CSMD1: variants seen among roughly 807,000 people sequenced by gnomAD.
CSMD1 encodes CUB and Sushi multiple domains 1.
A neutral mutation model predicts 417.5 loss-of-function variants in CSMD1; 213 were observed. The observed-to-expected ratio is 0.51, with a 90% CI of 0.46 to 0.57. CSMD1 has a LOEUF of 0.57. CSMD1 is among the 20% of genes least tolerant of loss of function. The probability of loss-of-function intolerance (pLI) is 0.00; values close to 1 mark genes in which losing one functional copy is unlikely to be tolerated. For synonymous variants in CSMD1, 2,862 were observed against 1,736.8 expected (o/e 1.65, Z -16.11); for missense variants, 6,923 against 4,529.7 (o/e 1.53, Z -15.17).
At chr8:3,614,142 A>C (rs1343333695) in intron 8 of CSMD1, among the ~76,000 whole-genome samples, 1 of 152,128 alleles carries the variant, frequency 6.6e-6, no homozygotes, top group East Asian at 1.9e-4. Flanking sequence ...GAGAAAATTT[A>C]ATCTTTCAAA....
intron 3 of CSMD1, among the ~76,000 whole-genome samples, chr8:4,339,810 G>T (rs570812412): frequency 1.1e-4 from 17 of 152,164 alleles, no homozygotes; most frequent in South Asian, 6.2e-4. Context: ...AACCACTTGA[G>T]GCCAGGAGTT....
At chr8:3,506,155 G>A (rs1402201049) in intron 10 of CSMD1, among the ~76,000 whole-genome samples, 1 of 152,130 alleles carries the variant, frequency 6.6e-6, no homozygotes, top group African/African-American at 2.4e-5. Context: ...AAGTGCCAGG[G>A]AGGCAGCTGA....
At chr8:3,915,608 T>C (rs1050231144) in intron 5 of CSMD1, among the ~76,000 whole-genome samples, 1 of 151,256 alleles carries the variant, frequency 6.6e-6, no homozygotes, top group African/African-American at 2.4e-5. Flanking sequence ...ACTGAAATAC[T>C]TGAAAAGCTT....
intron 1 of CSMD1, among the ~76,000 whole-genome samples, chr8:4,858,622 C>A (rs7815296): frequency 0.015 from 2,220 of 152,130 alleles, 60 homozygotes; most frequent in African/African-American, 0.051. Context: ...ACACCAACAA[C>A]AGACAAACAG....
intron 1 of CSMD1, among the ~76,000 whole-genome samples, chr8:4,816,004 T>C (rs1276176328): frequency 6.6e-6 from 1 of 152,026 alleles, no homozygotes; most frequent in Non-Finnish European, 1.5e-5. Context: ...AGTACAAAAA[T>C]GTCACGCTAT....
intron 3 of CSMD1, among the ~76,000 whole-genome samples, chr8:4,208,550 T>A (rs984943465): frequency 9.9e-5 from 15 of 152,254 alleles, no homozygotes; most frequent in African/African-American, 3.6e-4. Flanking sequence ...AACTTCAATA[T>A]CAGATTGACT....
chr8:4,672,652 G>C (rs976287470), intron 1 of CSMD1, among the ~76,000 whole-genome samples: 4 of 151,550 alleles, frequency 2.6e-5, no homozygotes, highest in African/African-American at 9.7e-5. Flanking sequence ...ATAATGCCAG[G>C]TGCTTGAAAA....
chr8:3,695,247 T>C (rs755520998), intron 7 of CSMD1, among the ~76,000 whole-genome samples: 28 of 152,250 alleles, frequency 1.8e-4, no homozygotes, highest in South Asian at 4.1e-4. Context: ...CTTTGGAACA[T>C]GGGCAAGGAT....
At chr8:4,953,073 A>G (rs1400233776) in intron 1 of CSMD1, among the ~76,000 whole-genome samples, 2 of 151,812 alleles carry the variant, frequency 1.3e-5, no homozygotes, top group Non-Finnish European at 2.9e-5. Context: ...ACAAAAAAAC[A>G]TTATAGTCCT....
intron 2 of CSMD1, among the ~76,000 whole-genome samples, chr8:4,465,751 G>C (rs544842692): frequency 6.6e-6 from 1 of 152,206 alleles, no homozygotes; most frequent in East Asian, 1.9e-4. Context: ...TAGTTTGTAG[G>C]TCATCTATTA....
rs1234942613 is a variant in CSMD1 at position 2,938,299 on chromosome 8, GT to G, written c.*285del. On this transcript the variant is annotated 3_prime_UTR_variant, in exon 70 of 70. Coordinates refer to ENST00000635120, the MANE Select transcript of CSMD1 (RefSeq NM_033225.6). ...GAAAGTCTGAGGCATTGAGTATGAC[GT>G]GTTGGCGCGACGTGGCAGTCTTCCT... 3 of 343,846 alleles carry G rather than the reference GT, an allele frequency of 8.7e-6. No homozygotes were observed. Among genetic ancestry groups the G allele is most frequent in the Non-Finnish European group, 1.6e-5 (3 of 192,288 alleles). 21.3% of individuals were successfully genotyped at this position (343,846 alleles called of 1,614,324 possible). A position where few individuals can be genotyped will look rare whatever the true frequency, so the allele number is the denominator to read the frequency against.
At chr8:3,643,237 G>A (rs1444654432) in intron 7 of CSMD1, among the ~76,000 whole-genome samples, 1 of 152,078 alleles carries the variant, frequency 6.6e-6, no homozygotes, top group African/African-American at 2.4e-5. Context: ...TGGTGAAACA[G>A]CAGAACAAAG....
chr8:4,973,311 G>A (rs1810353207), intron 1 of CSMD1, among the ~76,000 whole-genome samples: 1 of 152,140 alleles, frequency 6.6e-6, no homozygotes, highest in South Asian at 2.1e-4. Context: ...CACAGGCCTT[G>A]ACTTATAGGC....
At chr8:3,073,909 C>G (rs957409222) in intron 49 of CSMD1, among the ~76,000 whole-genome samples, 1 of 152,028 alleles carries the variant, frequency 6.6e-6, no homozygotes, top group African/African-American at 2.4e-5. Context: ...AGAAGATTGG[C>G]AATTATAATG....
intron 5 of CSMD1, among the ~76,000 whole-genome samples, chr8:3,888,896 G>A (rs558349699): frequency 5.6e-4 from 85 of 152,070 alleles, no homozygotes; most frequent in South Asian, 1.5e-3. Flanking sequence ...GATGATTTTC[G>A]TCATATAATT....
intron 3 of CSMD1, among the ~76,000 whole-genome samples, chr8:4,097,212 C>T (rs1002436625): frequency 1.3e-5 from 2 of 152,056 alleles, no homozygotes; most frequent in African/African-American, 4.8e-5. Flanking sequence ...AATCAAGTAG[C>T]TTGGAAGGAG....
At chr8:4,190,469 G>C (rs769013699) in intron 3 of CSMD1, among the ~76,000 whole-genome samples, 2 of 151,574 alleles carry the variant, frequency 1.3e-5, no homozygotes, top group African/African-American at 2.4e-5. Context: ...AACACTATTA[G>C]AGTATTTCGT....
At chr8:4,393,700 G>A (rs149145039) in intron 3 of CSMD1, among the ~76,000 whole-genome samples, 69 of 152,234 alleles carry the variant, frequency 4.5e-4, no homozygotes, top group African/African-American at 1.6e-3. Flanking sequence ...CAAGAACCTG[G>A]AACTCCAGGA....
Position 4,010,092 on chromosome 8 carries a change from C to T in CSMD1, c.611-11982G>A, listed in dbSNP as rs547879138. On this transcript the variant is annotated intron_variant, in intron 4 of 69. Transcript: ENST00000635120. ...TTTCCTACATTCCAACTACTTCTGACATATTTTCCTTCCCTTCTTCCTCTG... is the reference window on the plus strand; with the variant it reads ...TTTCCTACATTCCAACTACTTCTGATATATTTTCCTTCCCTTCTTCCTCTG... Among the ~76,000 whole-genome samples the T allele has an allele frequency of 4.8e-4, 73 of 152,342 alleles. 1 individual carries two copies. Among genetic ancestry groups the T allele is most frequent in the African/African-American group, 1.6e-3 (65 of 41,574 alleles).
Sources: gnomAD v4.1 joint callset for allele counts (sites outside exome capture counted in the v4.1 genomes callset) on GRCh38, gnomAD v4.1.1 for gene constraint, MANE v1.5 for transcripts, NCBI Gene and HGNC (gene_info 2026-07-23, HGNC 2026-07-21) for gene names.